The following COL4A6 variants were observed in gnomAD, a reference collection of about 807,000 sequenced individuals.
COL4A6 encodes the protein collagen alpha-6(IV) chain.
A neutral mutation model predicts 126.7 loss-of-function variants in COL4A6; 59 were observed. The observed-to-expected ratio is 0.47, with a 90% confidence interval of 0.38 to 0.58. COL4A6 has a LOEUF of 0.58. Ranked by LOEUF, COL4A6 falls within the 20% of genes least tolerant of loss-of-function variation. The pLI, the probability that COL4A6 is intolerant of heterozygous loss-of-function variation, is 0.00. For missense variants in COL4A6, 1,285 were observed against 1,337.3 expected, an observed-to-expected ratio of 0.96 and a Z score of 0.61; for synonymous variants, 547 against 496.6, an observed-to-expected ratio of 1.10 and a Z score of -1.35.
intron 20 of COL4A6, 141 bp from the exon 21 acceptor site, chrX:108,188,818 G>A (rs1323776414): frequency 1.7e-5 from 10 of 594,030 alleles, no homozygotes; most frequent in Non-Finnish European, 2.4e-5. Flanking sequence ...AATGAACTTG[G>A]TTCACTCTCC....
At chrX:108,368,716 TAA>T (rs2040259040) in intron 2 of COL4A6, among the ~76,000 whole-genome samples, 2 of 112,239 alleles carry the variant, frequency 1.8e-5, no homozygotes, top group Non-Finnish European at 3.8e-5. Flanking sequence ...TATTATTCTA[TAA>T]GTTTTTTTAT....
Position 108,424,157 on chromosome X carries a change from C to A in COL4A6, c.63+13785G>T, listed in dbSNP as rs150736038. Among the ~76,000 whole-genome samples, 212 of 111,817 alleles carry A rather than the reference C, an allele frequency of 1.9e-3. 1 individual carries two copies. Among genetic ancestry groups the A allele is most frequent in the African/African-American group, 6.4e-3 (196 of 30,774 alleles). ...GGGGCAAATGGGGGCAGAAGTCCAGCCTGCTCATTGCTTACCAATGAGTGT... is the reference window on the plus strand; with the variant it reads ...GGGGCAAATGGGGGCAGAAGTCCAGACTGCTCATTGCTTACCAATGAGTGT... On this transcript the variant is annotated intron_variant, in intron 2 of 44. Coordinates refer to ENST00000334504, the MANE Select transcript of COL4A6 (RefSeq NM_033641.4).
chrX:108,183,158 T>C (rs757651885), intron 23 of COL4A6, among the ~76,000 whole-genome samples: 25 of 112,555 alleles, frequency 2.2e-4, no homozygotes, highest in African/African-American at 8.1e-4. Flanking sequence ...TCTTCTACTT[T>C]ACATTCCTGA....
intron 2 of COL4A6, among the ~76,000 whole-genome samples, chrX:108,351,440 CTCTGTGTG>C (rs1369747452): frequency 8.7e-4 from 85 of 97,914 alleles, no homozygotes; most frequent in Middle Eastern, 5.0e-3. Flanking sequence ...AACTCTCTCT[CTCTGTGTG>C]TGTGTGTGTG....
In COL4A6 at chrX:108,369,433, A is replaced by G. The variant is rs140485141; in HGVS notation, c.64-58605T>C. ...TTGGCTTTGCTTTCCAAAGTGAAAGATATGAGGAGGTTCTGTTAAAAACTG... is the reference window on the plus strand; with the variant it reads ...TTGGCTTTGCTTTCCAAAGTGAAAGGTATGAGGAGGTTCTGTTAAAAACTG... On this transcript the variant is annotated intron_variant, in intron 2 of 44. Transcript: ENST00000334504. 5.6e-3 allele frequency among the ~76,000 whole-genome samples: 626 copies of G among 111,915 alleles called. 2 individuals carry two copies. The highest frequency in any genetic ancestry group is 0.013 in the South Asian group (35 of 2,633).
At chrX:108,381,527 T>G (rs1013869922) in intron 2 of COL4A6, among the ~76,000 whole-genome samples, 1 of 112,360 alleles carries the variant, frequency 8.9e-6, no homozygotes, top group African/African-American at 3.2e-5. Flanking sequence ...GATTTGGCTG[T>G]ACTATTTATT....
chrX:108,223,112 C>T (rs1291640224), intron 3 of COL4A6, among the ~76,000 whole-genome samples: 1 of 111,454 alleles, frequency 9.0e-6, no homozygotes, highest in African/African-American at 3.3e-5. Flanking sequence ...CCATCATTCT[C>T]AGAAAACTAA....
chrX:108,189,475 C>T (rs2034970933), intron 20 of COL4A6, among the ~76,000 whole-genome samples: 1 of 112,076 alleles, frequency 8.9e-6, no homozygotes. Flanking sequence ...CTATTCCATA[C>T]TTAGAGAAAA....
At chrX:108,188,710 G>T in intron 20 of COL4A6, 33 bp from the exon 21 acceptor site, 2 of 1,081,415 alleles carry the variant, frequency 1.8e-6, no homozygotes, top group African/African-American at 3.8e-5. Flanking sequence ...AACGAAGTGG[G>T]TCATTTTTTT....
At chrX:108,283,903 G>A (rs1294690503) in intron 3 of COL4A6, among the ~76,000 whole-genome samples, 1 of 111,601 alleles carries the variant, frequency 9.0e-6, no homozygotes, top group African/African-American at 3.3e-5. Context: ...AAGATTGATG[G>A]ATACTAATTT....
chrX:108,234,863 A>C (rs1434396389), intron 3 of COL4A6, among the ~76,000 whole-genome samples: 1 of 111,498 alleles, frequency 9.0e-6, no homozygotes, highest in Non-Finnish European at 1.9e-5. Flanking sequence ...AATTGATCTC[A>C]ATTTTCTCAA....
chrX:108,342,873 T>C (rs1309514848), intron 2 of COL4A6, among the ~76,000 whole-genome samples: 1 of 109,110 alleles, frequency 9.2e-6, no homozygotes, highest in Non-Finnish European at 1.9e-5. Context: ...CAAACAGTAT[T>C]TGAGAGTGCC....
At chrX:108,280,580 T>C (rs760322946) in intron 3 of COL4A6, among the ~76,000 whole-genome samples, 1 of 111,839 alleles carries the variant, frequency 8.9e-6, no homozygotes, top group East Asian at 2.8e-4. Flanking sequence ...GAGGAACTGG[T>C]ACCATTCCTT....
At chrX:108,342,372 T>C (rs2039586602) in intron 2 of COL4A6, among the ~76,000 whole-genome samples, 1 of 111,991 alleles carries the variant, frequency 8.9e-6, no homozygotes, top group African/African-American at 3.2e-5. Flanking sequence ...TGTCCACCTC[T>C]TGTGACCTTG....
intron 2 of COL4A6, among the ~76,000 whole-genome samples, chrX:108,335,576 A>C (rs1365311693): frequency 8.9e-6 from 1 of 111,828 alleles, no homozygotes; most frequent in Admixed American, 9.6e-5. Flanking sequence ...AGTACATGGA[A>C]GTGTGTATGT....
intron 2 of COL4A6, among the ~76,000 whole-genome samples, chrX:108,400,546 C>G (rs2041064330): frequency 9.0e-6 from 1 of 111,371 alleles, no homozygotes; most frequent in Non-Finnish European, 1.9e-5. Flanking sequence ...CTCATCTCAC[C>G]TGAACCCCAG....
chrX:108,381,794 G>T (rs2148135467), intron 2 of COL4A6, among the ~76,000 whole-genome samples: 1 of 111,512 alleles, frequency 9.0e-6, no homozygotes, highest in East Asian at 2.8e-4. Flanking sequence ...AATGCCAATA[G>T]CATTAGTATA....
At chrX:108,430,544 G>C (rs2064159288) in intron 2 of COL4A6, among the ~76,000 whole-genome samples, 1 of 112,055 alleles carries the variant, frequency 8.9e-6, no homozygotes, top group South Asian at 3.7e-4. Flanking sequence ...GCAATGTAGA[G>C]ATAAGGATGG....
chrX:108,317,417 T>C (rs768904832), intron 2 of COL4A6, among the ~76,000 whole-genome samples: 64 of 112,295 alleles, frequency 5.7e-4, no homozygotes, highest in African/African-American at 2.0e-3. Context: ...TCAAGGAAGA[T>C]GCCTTAGTCA....
Sources: gnomAD v4.1 joint callset for allele counts (sites outside exome capture counted in the v4.1 genomes callset) on GRCh38, gnomAD v4.1.1 for gene constraint, MANE v1.5 for transcripts, NCBI Gene and HGNC (gene_info 2026-07-23, HGNC 2026-07-21) for gene names.